Variants in ADAMDEC1 observed in about 807,000 individuals in gnomAD.
ADAMDEC1 encodes the protein ADAM DEC1.
A neutral mutation model predicts 60.4 loss-of-function variants in ADAMDEC1; 62 were observed. The ratio of observed to expected loss-of-function variants is 1.03; its 90% CI spans 0.84 to 1.27. The LOEUF (loss-of-function observed/expected upper bound fraction) is 1.27. Ranked by LOEUF, ADAMDEC1 falls within the 50% of genes most tolerant of loss-of-function variation. The probability of loss-of-function intolerance (pLI) is 0.00; values close to 1 mark genes in which losing one functional copy is unlikely to be tolerated. For missense variants in ADAMDEC1, 595 were observed against 565.0 expected (o/e 1.05, Z -0.54); for synonymous variants, 210 against 195.1 (o/e 1.08, Z -0.64).
At chr8:24,388,484 C>T (rs1369460043) in intron 1 of ADAMDEC1, among the ~76,000 whole-genome samples, 1 of 152,046 alleles carries the variant, frequency 6.6e-6, no homozygotes, top group African/African-American at 2.4e-5. Context: ...CTTTCTTTCT[C>T]TGCCTTCCTC....
chr8:24,389,200 G>A (rs922872856), intron 1 of ADAMDEC1, among the ~76,000 whole-genome samples: 44 of 152,112 alleles, frequency 2.9e-4, no homozygotes, highest in African/African-American at 9.4e-4. Context: ...CTCTACAGAT[G>A]CCTAGTAGAC....
At chr8:24,393,898 A>G (rs1334542364) in intron 3 of ADAMDEC1, among the ~76,000 whole-genome samples, 171 bp from the exon 4 acceptor site, 4 of 152,234 alleles carry the variant, frequency 2.6e-5, no homozygotes, top group African/African-American at 7.2e-5. Context: ...AGGAAGAACC[A>G]ACTCTCTGAT....
chr8:24,395,606 T>C (rs535024621), intron 4 of ADAMDEC1, 114 bp from the exon 5 acceptor site: 1 of 682,194 alleles, frequency 1.5e-6, no homozygotes, highest in East Asian at 2.8e-5. Context: ...TTCAAGATGG[T>C]AGCTTTCCTC....
intron 4 of ADAMDEC1, among the ~76,000 whole-genome samples, chr8:24,394,662 A>C (rs1363723127): frequency 1.3e-5 from 2 of 152,130 alleles, no homozygotes; most frequent in Non-Finnish European, 2.9e-5. Flanking sequence ...AATCTCAATC[A>C]AGAGATGTTC....
At chr8:24,390,834 G>T (rs2129358133) in intron 1 of ADAMDEC1, among the ~76,000 whole-genome samples, 1 of 151,820 alleles carries the variant, frequency 6.6e-6, no homozygotes, top group Non-Finnish European at 1.5e-5. Context: ...GAAGGTTTTT[G>T]GCTAAATCAC....
In ADAMDEC1 at chr8:24,392,133, G is replaced by A. The variant is rs185750263; in HGVS notation, c.89-129G>A. 19 of 537,158 alleles carry A rather than the reference G, an allele frequency of 3.5e-5. No homozygotes were observed. The East Asian group carries it at 6.1e-4, about 17-fold the overall frequency. 33.3% of individuals were successfully genotyped at this position (537,158 alleles called of 1,614,324 possible). On this transcript the variant is annotated intron_variant, in intron 1 of 13. Transcript: ENST00000256412. Reference sequence around the variant, plus strand: ...CGACAATTAACTTGTTATTCATAATGTTTGCTCTCTACATAGGAATGTAGT... The same window carrying A: ...CGACAATTAACTTGTTATTCATAATATTTGCTCTCTACATAGGAATGTAGT...
chr8:24,400,286 G>A lies in ADAMDEC1; in HGVS notation c.1128G>A (p.Met376Ile). Reference sequence around the variant, plus strand: ...AGTGTCCCTCTGGCAGTTGTGTGATGAATCAGTATCTGAGGTGAGACCTTG... The same window carrying A: ...AGTGTCCCTCTGGCAGTTGTGTGATAAATCAGTATCTGAGGTGAGACCTTG... The part of the protein sequence containing the change: ...NTKCPSGSCV[M>I]NQYLSSKFPK... The change falls in exon 11 of 14, where the codon ATG becomes ATA. Residue 376 changes from methionine to isoleucine, a missense_variant. Met to Ile is a conservative substitution (Grantham distance 10). Coordinates refer to ENST00000256412, the MANE Select transcript of ADAMDEC1 (RefSeq NM_014479.3). The A allele has an allele frequency of 6.2e-7, 1 of 1,608,868 alleles. No homozygotes were observed. Among genetic ancestry groups the A allele is most frequent in the Non-Finnish European group, 8.5e-7 (1 of 1,177,840 alleles).
At chr8:24,402,117 G>T in intron 12 of ADAMDEC1, 25 bp downstream of exon 12, 1 of 1,541,622 alleles carries the variant, frequency 6.5e-7, no homozygotes, top group Non-Finnish European at 8.8e-7. Context: ...AATTATTGGG[G>T]CAGAAGAATT....
At position 24,400,303 on chromosome 8, in the gene ADAMDEC1, G is replaced by A. The variant is rs1455805164; in HGVS notation, c.1142+3G>A. 6.3e-6 allele frequency: 10 copies of A among 1,589,980 alleles called. No individual in the cohort carries two copies. The highest frequency in any genetic ancestry group is 2.7e-5 in the African/African-American group (2 of 73,650). ...TGTGTGATGAATCAGTATCTGAGGT[G>A]AGACCTTGTCATCCTAAAAGGAGAG... On this transcript the variant is annotated splice_donor_region_variant and intron_variant, in intron 11 of 13. Coordinates refer to ENST00000256412, the MANE Select transcript of ADAMDEC1 (RefSeq NM_014479.3).
chr8:24,394,581 G>T (rs558023463), intron 4 of ADAMDEC1, among the ~76,000 whole-genome samples: 1 of 152,008 alleles, frequency 6.6e-6, no homozygotes, highest in African/African-American at 2.4e-5. Flanking sequence ...TCATCATCCC[G>T]TAGACAATAC....
At chr8:24,402,375 C>T (rs1005771413) in intron 12 of ADAMDEC1, among the ~76,000 whole-genome samples, 3 of 151,980 alleles carry the variant, frequency 2.0e-5, no homozygotes, top group East Asian at 1.9e-4. Flanking sequence ...TCAGAAATCC[C>T]TAGACGACAT....
rs1817590096 is a variant in ADAMDEC1, at chr8:24,395,718, A to G, written c.364-2A>G. 5.0e-6 allele frequency: 8 copies of G among 1,610,336 alleles called. No homozygotes were observed. In the East Asian group the frequency reaches 1.6e-4, roughly 31 times the overall value. Reference sequence around the variant, plus strand: ...AAGCATAATTTCTTTTTTCCACTCCAGGAACACTGTTACTATAAAGGAAAC... The same window carrying G: ...AAGCATAATTTCTTTTTTCCACTCCGGGAACACTGTTACTATAAAGGAAAC... On this transcript the variant is annotated splice_acceptor_variant, in intron 4 of 13. Transcript: ENST00000256412. LOFTEE classifies it high-confidence loss of function.
At chr8:24,389,974 C>A (rs569360913) in intron 1 of ADAMDEC1, among the ~76,000 whole-genome samples, 6 of 152,134 alleles carry the variant, frequency 3.9e-5, no homozygotes, top group Non-Finnish European at 8.8e-5. Flanking sequence ...ATTTCATCAC[C>A]ATAGTACTTA....
At position 24,405,305 on chromosome 8, in the gene ADAMDEC1, A is replaced by G. The variant is rs1002477184; in HGVS notation, c.*7A>G. On this transcript the variant is annotated 3_prime_UTR_variant, in exon 14 of 14. Transcript: ENST00000256412. ...TCCTTCAATCAGAGAGTGAATCCAA[A>G]AGTCTGCTTCACTGAGATGCTACCT... 9 of 1,612,758 alleles carry G rather than the reference A, an allele frequency of 5.6e-6. No individual in the cohort carries two copies. Among genetic ancestry groups the G allele is most frequent in the Admixed American group, 3.3e-5 (2 of 59,968 alleles).
At position 24,398,906 on chromosome 8, in the gene ADAMDEC1, G is replaced by C; in HGVS notation, c.795G>C (p.Leu265Phe). ...IYNTIDVQVA[L>F]VGMEIWSDGD... ...ACACCATAGATGTTCAAGTGGCCTT[G>C]GTAGGTATGGAAATCTGGTCTGATG... Residue 265 changes from leucine (L) to phenylalanine (F), a missense_variant, in exon 9 of 14, where the codon TTG (leucine) becomes TTC (phenylalanine). By Grantham distance (22) the Leu-to-Phe change is conservative (BLOSUM62 0). Transcript: ENST00000256412. 1 of 1,613,802 alleles carries C rather than the reference G, an allele frequency of 6.2e-7. No homozygotes were observed.
rs1302246108 is a variant in ADAMDEC1 at position 24,398,902 on chromosome 8, C to T, written c.791C>T (p.Ala264Val). Residue 264 changes from alanine to valine, a missense_variant, in exon 9 of 14, where the codon GCC (alanine) becomes GTC (valine). Transcript: ENST00000256412. ...TATAACACCATAGATGTTCAAGTGG[C>T]CTTGGTAGGTATGGAAATCTGGTCT... ...VIYNTIDVQV[A>V]LVGMEIWSDG... 1.9e-6 allele frequency: 3 copies of T among 1,613,696 alleles called. No individual in the cohort carries two copies.
Position 24,384,537 on chromosome 8 carries a change from G to A in ADAMDEC1, c.33G>A (p.Val11=), listed in dbSNP as rs2129355675. 1 of 1,610,490 alleles carries A rather than the reference G, an allele frequency of 6.2e-7. No individual in the cohort carries two copies. Among genetic ancestry groups the A allele is most frequent in the East Asian group, 2.2e-5 (1 of 44,560 alleles). MLRGISQLPA[V]ATMSWVLLPV... is the part of the protein sequence containing the mutation. ...GTGGGATCTCCCAGCTACCTGCAGT[G>A]GCCACCATGTCTTGGGTCCTGCTGC... The change falls in exon 1 of 14, where the codon GTG becomes GTA. Residue 11 remains valine (V), a synonymous_variant. Coordinates refer to ENST00000256412, the MANE Select transcript of ADAMDEC1 (RefSeq NM_014479.3).
chr8:24,398,509 G>C lies in ADAMDEC1; in HGVS notation c.720G>C (p.Leu240=). The change falls in exon 8 of 14, where the codon CTG becomes CTC. Residue 240 remains leucine, a synonymous_variant. Transcript: ENST00000256412. Reference sequence around the variant, plus strand: ...AGAACTATAATGAGAATCTAACTCTGATAAGAAGCTTTGTGTTTGATGTGA... The same window carrying C: ...AGAACTATAATGAGAATCTAACTCTCATAAGAAGCTTTGTGTTTGATGTGA... The part of the protein sequence containing the change: ...FYKNYNENLT[L]IRSFVFDVMN... 6.3e-7 allele frequency: 1 copy of C among 1,599,646 alleles called. No homozygotes were observed. The highest frequency in any genetic ancestry group is 1.7e-5 in the Admixed American group (1 of 57,790).
intron 1 of ADAMDEC1, among the ~76,000 whole-genome samples, chr8:24,385,607 T>C (rs141415292): frequency 0.023 from 3,539 of 152,234 alleles, 134 homozygotes; most frequent in African/African-American, 0.082. Context: ...ATTTAATAAC[T>C]CTACTAGATC....
Sources: allele counts gnomAD v4.1 joint callset (sites outside exome capture counted in the v4.1 genomes callset), GRCh38; gene constraint gnomAD v4.1.1; transcripts MANE v1.5; gene names NCBI Gene and HGNC (gene_info 2026-07-23, HGNC 2026-07-21).